Variants in PDE1C observed in about 807,000 individuals in gnomAD.
PDE1C encodes phosphodiesterase 1C, also known as dual specificity calcium/calmodulin-dependent 3',5'-cyclic nucleotide phosphodiesterase 1C.
Under a neutral mutation model 93.1 loss-of-function variants are expected in PDE1C, and 62 were observed. The observed-to-expected ratio is 0.67, with a 90% CI of 0.54 to 0.82. PDE1C has a LOEUF of 0.82. PDE1C is among the 40% of genes least tolerant of loss of function. The probability of loss-of-function intolerance (pLI) is 0.00; values close to 1 mark genes in which losing one functional copy is unlikely to be tolerated. For synonymous variants in PDE1C, 325 were observed against 310.1 expected (o/e 1.05, Z -0.50); for missense variants, 742 against 884.6 (o/e 0.84, Z 2.04).
At chr7:32,361,004 C>T (rs937413448) in intron 1 of PDE1C, among the ~76,000 whole-genome samples, 1 of 152,126 alleles carries the variant, frequency 6.6e-6, no homozygotes, top group Non-Finnish European at 1.5e-5. Context: ...GAGGTATTAG[C>T]TCTATCCTAT....
At chr7:31,985,909 T>C (rs190444460) in intron 2 of PDE1C, among the ~76,000 whole-genome samples, 41 of 152,310 alleles carry the variant, frequency 2.7e-4, no homozygotes, top group African/African-American at 9.1e-4. Context: ...TTTCCTGCTC[T>C]GCCCCTTCCC....
the PDE1C span, among the ~76,000 whole-genome samples, chr7:31,728,085 T>G: frequency 6.6e-6 from 1 of 152,244 alleles, no homozygotes; most frequent in African/African-American, 2.4e-5. Flanking sequence ...CCACTTAAGG[T>G]TGATTTATAG....
intron 1 of PDE1C, among the ~76,000 whole-genome samples, chr7:32,053,269 A>C (rs1793624132): frequency 6.6e-6 from 1 of 152,176 alleles, no homozygotes; most frequent in African/African-American, 2.4e-5. Flanking sequence ...TCAGCTCCCC[A>C]AGGGCAAGTT....
At chr7:32,043,665 T>C (rs981201634) in intron 2 of PDE1C, among the ~76,000 whole-genome samples, 4 of 152,168 alleles carry the variant, frequency 2.6e-5, no homozygotes, top group Admixed American at 2.6e-4. Context: ...AACACAGAGA[T>C]TGAAGCACTG....
intron 2 of PDE1C, among the ~76,000 whole-genome samples, chr7:31,965,610 C>T (rs906563316): frequency 2.0e-5 from 3 of 152,116 alleles, no homozygotes; most frequent in African/African-American, 7.2e-5. Context: ...ACAGAGAAGG[C>T]CACAAAGATA....
intron 17 of PDE1C, among the ~76,000 whole-genome samples, chr7:31,760,394 G>C (rs1794754812): frequency 6.6e-6 from 1 of 152,166 alleles, no homozygotes. Flanking sequence ...AATCAAGAGA[G>C]AACAGCCGCT....
At chr7:32,210,250 G>T (rs1805901304) in intron 1 of PDE1C, among the ~76,000 whole-genome samples, 1 of 152,128 alleles carries the variant, frequency 6.6e-6, no homozygotes. Context: ...GGAAACACAG[G>T]TTTCACTCAT....
chr7:31,671,385 G>A, the PDE1C span, among the ~76,000 whole-genome samples: 7 of 152,192 alleles, frequency 4.6e-5, no homozygotes, highest in Admixed American at 3.9e-4. Context: ...AGTGCAGCAA[G>A]TTTGAGTGCC....
upstream of PDE1C, chr7:32,070,684 G>A: frequency 3.9e-6 from 5 of 1,281,562 alleles, no homozygotes; most frequent in South Asian, 7.0e-5. Flanking sequence ...ATTGGGATTG[G>A]ACTCCAGCTC....
Position 32,088,302 on chromosome 7 carries a change from G to T in PDE1C, c.308+81483C>A, listed in dbSNP as rs1797248123. Among the ~76,000 whole-genome samples, 3 of 152,238 alleles carry T rather than the reference G, an allele frequency of 2.0e-5. No individual in the cohort carries two copies. The South Asian group carries it at 6.2e-4, about 32-fold the overall frequency. On this transcript the variant is annotated intron_variant, in intron 3 of 18. Coordinates refer to the PDE1C transcript ENST00000396193. Reference sequence around the variant, plus strand: ...TGGACTTTTTTTTAATACCAGTTAAGCAGGTGTTTAAATTTAAGAGTTTAT... The same window carrying T: ...TGGACTTTTTTTTAATACCAGTTAATCAGGTGTTTAAATTTAAGAGTTTAT...
intron 2 of PDE1C, among the ~76,000 whole-genome samples, chr7:31,965,301 T>C (rs1464429582): frequency 6.6e-6 from 1 of 152,126 alleles, no homozygotes; most frequent in African/African-American, 2.4e-5. Context: ...ACGAGAACTA[T>C]GTGACGAACG....
the PDE1C span, among the ~76,000 whole-genome samples, chr7:31,649,027 C>T: frequency 2.4e-4 from 36 of 152,360 alleles, no homozygotes; most frequent in African/African-American, 8.4e-4. Context: ...ATCAGTATCA[C>T]TTCAGAGATT....
chr7:32,109,685 A>T (rs1798538244), intron 3 of PDE1C, among the ~76,000 whole-genome samples: 1 of 152,188 alleles, frequency 6.6e-6, no homozygotes, highest in African/African-American at 2.4e-5. Context: ...CACGCAGCAG[A>T]GATTTTGATT....
intron 1 of PDE1C, among the ~76,000 whole-genome samples, chr7:32,355,339 A>G (rs915845475): frequency 6.6e-6 from 1 of 152,200 alleles, no homozygotes; most frequent in African/African-American, 2.4e-5. Flanking sequence ...TGCAGACTTA[A>G]ATAGAAAACA....
chr7:31,974,841 A>G (rs775045697), intron 2 of PDE1C, among the ~76,000 whole-genome samples: 2 of 152,222 alleles, frequency 1.3e-5, no homozygotes, highest in Non-Finnish European at 2.9e-5. Flanking sequence ...CTGTAAATTA[A>G]TTTTAAAAAT....
intron 2 of PDE1C, among the ~76,000 whole-genome samples, chr7:31,928,291 G>A (rs1040310743): frequency 6.6e-6 from 1 of 152,104 alleles, no homozygotes; most frequent in Non-Finnish European, 1.5e-5. Flanking sequence ...GGGACTATGT[G>A]AAAAGACCAA....
chr7:31,964,415 G>A (rs1229913559), intron 2 of PDE1C, among the ~76,000 whole-genome samples: 2 of 152,202 alleles, frequency 1.3e-5, no homozygotes, highest in Admixed American at 6.5e-5. Context: ...GGGGAGGGGC[G>A]CCTGCCATTG....
chr7:32,185,616 T>G (rs1008804567), intron 2 of PDE1C, among the ~76,000 whole-genome samples: 1 of 152,224 alleles, frequency 6.6e-6, no homozygotes, highest in Admixed American at 6.5e-5. Context: ...TATTCAAATT[T>G]GTTTGCATAA....
intron 2 of PDE1C, among the ~76,000 whole-genome samples, chr7:31,890,369 CA>C (rs1222919666): frequency 6.6e-6 from 1 of 152,202 alleles, no homozygotes; most frequent in Non-Finnish European, 1.5e-5. Flanking sequence ...GAACTAAAAA[CA>C]TCTTTGAATG....
Sources: allele counts gnomAD v4.1 joint callset (sites outside exome capture counted in the v4.1 genomes callset), GRCh38; gene constraint gnomAD v4.1.1; transcripts MANE v1.5; gene names NCBI Gene and HGNC (gene_info 2026-07-23, HGNC 2026-07-21).